RASGRF2: variants seen among roughly 807,000 people sequenced by gnomAD.
RASGRF2 encodes Ras protein specific guanine nucleotide releasing factor 2, also known as ras-specific guanine nucleotide-releasing factor 2.
Under a neutral mutation model 151.0 loss-of-function variants are expected in RASGRF2, and 76 were observed. The observed-to-expected ratio is 0.50, with a 90% CI of 0.42 to 0.61. RASGRF2 has a LOEUF of 0.61. Ranked by LOEUF, RASGRF2 falls within the 20% of genes least tolerant of loss-of-function variation. The pLI is 0.00. For missense variants in RASGRF2, 1,148 were observed against 1,564.6 expected, an observed-to-expected ratio of 0.73 and a Z score of 4.49; for synonymous variants, 504 against 566.5, an observed-to-expected ratio of 0.89 and a Z score of 1.57.
chr5:81,106,443 G>A (rs561716863), intron 12 of RASGRF2, among the ~76,000 whole-genome samples: 165 of 152,194 alleles, frequency 1.1e-3, no homozygotes, highest in African/African-American at 3.4e-3. Flanking sequence ...ATCTTTCAGC[G>A]TAAGTGAGCT....
chr5:81,167,316 C>A (rs78080783), intron 17 of RASGRF2, among the ~76,000 whole-genome samples: 182 of 152,298 alleles, frequency 1.2e-3, no homozygotes, highest in African/African-American at 4.3e-3. Context: ...TGGAGGCCAA[C>A]CAAGACGTAG....
At chr5:80,986,059 T>TGA (rs1353625361) in intron 1 of RASGRF2, among the ~76,000 whole-genome samples, 1 of 152,170 alleles carries the variant, frequency 6.6e-6, no homozygotes, top group East Asian at 1.9e-4. Context: ...AGTTAACAGG[T>TGA]GAGCCCTAGC....
intron 2 of RASGRF2, 54 bp from the exon 3 acceptor site, chr5:81,067,978 A>ACT: frequency 7.1e-7 from 1 of 1,405,540 alleles, no homozygotes; most frequent in Non-Finnish European, 9.6e-7. Flanking sequence ...TCTATATGGA[A>ACT]CTCTATATAG....
chr5:81,169,693 A>G (rs1363813935), intron 17 of RASGRF2, among the ~76,000 whole-genome samples: 4 of 152,200 alleles, frequency 2.6e-5, no homozygotes, highest in Non-Finnish European at 4.4e-5. Context: ...GGAGAATACT[A>G]TTCAATTCAG....
Position 81,086,970 on chromosome 5 carries a change from T to C in RASGRF2, c.1390+17T>C. ...TCCGCCAAGGTAAGTCCCTGTGAAATGGACCCGCGACCTGATGCGCTGTGC... is the reference window on the plus strand; with the variant it reads ...TCCGCCAAGGTAAGTCCCTGTGAAACGGACCCGCGACCTGATGCGCTGTGC... On this transcript the variant is annotated intron_variant, in intron 9 of 26. Transcript: ENST00000265080. 1 of 1,593,158 alleles carries C rather than the reference T, an allele frequency of 6.3e-7. No homozygotes were observed. The highest frequency in any genetic ancestry group is 8.6e-7 in the Non-Finnish European group (1 of 1,161,064).
chr5:81,021,837 C>T (rs1465086764), intron 1 of RASGRF2, among the ~76,000 whole-genome samples: 1 of 151,986 alleles, frequency 6.6e-6, no homozygotes, highest in Non-Finnish European at 1.5e-5. Flanking sequence ...AATTCACCTC[C>T]CTGAAAGGTT....
chr5:81,062,158 A>G (rs919984099), intron 2 of RASGRF2, among the ~76,000 whole-genome samples: 3 of 152,064 alleles, frequency 2.0e-5, no homozygotes, highest in Admixed American at 1.3e-4. Flanking sequence ...ACCCTTTTTC[A>G]TGCATTTATT....
At chr5:81,087,654 A>G in intron 9 of RASGRF2, 1 of 450,668 alleles carries the variant, frequency 2.2e-6, no homozygotes. Flanking sequence ...GCAAGACGTA[A>G]ACCACATCCC....
intron 17 of RASGRF2, among the ~76,000 whole-genome samples, chr5:81,165,926 G>T (rs181185231): frequency 1.2e-4 from 18 of 152,070 alleles, no homozygotes; most frequent in Admixed American, 1.2e-3. Context: ...CTCTCTGGAG[G>T]CCCCATCATC....
intron 1 of RASGRF2, among the ~76,000 whole-genome samples, chr5:80,975,001 C>A (rs1270017958): frequency 6.6e-6 from 1 of 152,006 alleles, no homozygotes; most frequent in Non-Finnish European, 1.5e-5. Context: ...TTCCAGTTTG[C>A]CCTAATTTCT....
intron 18 of RASGRF2, among the ~76,000 whole-genome samples, chr5:81,188,489 G>A (rs1437521913): frequency 4.6e-5 from 7 of 152,114 alleles, no homozygotes; most frequent in Non-Finnish European, 7.3e-5. Context: ...GTTTGGTATC[G>A]GTTTAGTTAT....
chr5:81,168,425 C>G (rs937650665), intron 17 of RASGRF2, among the ~76,000 whole-genome samples: 4 of 149,512 alleles, frequency 2.7e-5, no homozygotes, highest in African/African-American at 9.9e-5. Flanking sequence ...ATTCTTCTGT[C>G]TCAACCTCCC....
At chr5:81,174,815 T>C (rs188387863) in intron 17 of RASGRF2, among the ~76,000 whole-genome samples, 52 of 152,332 alleles carry the variant, frequency 3.4e-4, no homozygotes, top group African/African-American at 1.2e-3. Flanking sequence ...AGGTTTTGCC[T>C]TAAAATCCAT....
intron 24 of RASGRF2, among the ~76,000 whole-genome samples, chr5:81,216,348 T>TACACACACACAC (rs10648156): frequency 0.026 from 3,830 of 147,438 alleles, 53 homozygotes; most frequent in African/African-American, 0.029. Flanking sequence ...ATTCCCTTTC[T>TACACACACACAC]ACACACACAC....
intron 15 of RASGRF2, among the ~76,000 whole-genome samples, chr5:81,122,157 G>A (rs925653574): frequency 5.3e-5 from 8 of 152,184 alleles, no homozygotes; most frequent in Admixed American, 1.3e-4. Flanking sequence ...TTGCTTTCCT[G>A]TTCTTTCAGA....
intron 14 of RASGRF2, 133 bp downstream of exon 14, chr5:81,112,991 G>C (rs1398143167): frequency 8.5e-7 from 1 of 1,179,116 alleles, no homozygotes; most frequent in South Asian, 1.5e-5. Flanking sequence ...AATGTACCAT[G>C]CCCCTCCAGC....
intron 9 of RASGRF2, among the ~76,000 whole-genome samples, chr5:81,088,895 T>G (rs1272569105): frequency 6.6e-6 from 1 of 152,190 alleles, no homozygotes; most frequent in African/African-American, 2.4e-5. Flanking sequence ...TGCCCATATG[T>G]TATTAATTCC....
chr5:81,046,852 T>C (rs1377027540), intron 2 of RASGRF2, among the ~76,000 whole-genome samples: 1 of 152,014 alleles, frequency 6.6e-6, no homozygotes, highest in Non-Finnish European at 1.5e-5. Flanking sequence ...AAGCAAAGTA[T>C]CAGCAGTTAG....
intron 17 of RASGRF2, among the ~76,000 whole-genome samples, chr5:81,144,159 G>T (rs932320191): frequency 4.6e-5 from 7 of 152,168 alleles, no homozygotes; most frequent in African/African-American, 1.7e-4. Flanking sequence ...ACATTAAAAG[G>T]ATGTGACAAG....
Sources: allele counts gnomAD v4.1 joint callset (sites outside exome capture counted in the v4.1 genomes callset), GRCh38; gene constraint gnomAD v4.1.1; transcripts MANE v1.5; gene names NCBI Gene and HGNC (gene_info 2026-07-23, HGNC 2026-07-21).